NEBL: variants seen among roughly 807,000 people sequenced by gnomAD.
NEBL encodes nebulette.
NEBL carries 122 observed loss-of-function variants against 140.2 expected under a neutral mutation model. The ratio of observed to expected loss-of-function variants is 0.87; its 90% CI spans 0.75 to 1.01. The LOEUF is 1.01. NEBL is among the 50% of genes least tolerant of loss of function. The pLI is 0.00. For missense variants in NEBL, 1,365 were observed against 1,231.3 expected (o/e 1.11, Z -1.62); for synonymous variants, 436 against 398.9 (o/e 1.09, Z -1.11).
At chr10:20,872,765 C>G (rs1845084113) in intron 5 of NEBL, among the ~76,000 whole-genome samples, 1 of 152,168 alleles carries the variant, frequency 6.6e-6, no homozygotes, top group African/African-American at 2.4e-5. Context: ...CTCTGGTCAT[C>G]CTCAGTGCTA....
Position 20,868,757 on chromosome 10 carries a change from G to A in NEBL, c.591C>T (p.Tyr197=), listed in dbSNP as rs773877708. ...TATTCATTATTCCTTGTCCTTTCTT[G>A]TATTCTGCCTAAAATGAATAAATAA... The part of the protein sequence containing the change: ...QISKIISNAE[Y]KKGQGIMNKE... Residue 197 remains tyrosine (Y), a synonymous_variant, in exon 7 of 28, where the codon TAC becomes TAT. Transcript: ENST00000377122. 3.8e-6 allele frequency: 6 copies of A among 1,598,512 alleles called. No individual in the cohort carries two copies. In the South Asian group the frequency reaches 6.6e-5, roughly 18 times the overall value.
intron 4 of NEBL, among the ~76,000 whole-genome samples, chr10:20,928,410 T>G (rs902481178): frequency 3.3e-5 from 5 of 152,184 alleles, no homozygotes; most frequent in African/African-American, 1.2e-4. Context: ...TGCCATCACT[T>G]GCAGGCACCA....
At chr10:21,120,805 G>C (rs1361482160) in intron 2 of NEBL, among the ~76,000 whole-genome samples, 1 of 151,764 alleles carries the variant, frequency 6.6e-6, no homozygotes, top group Non-Finnish European at 1.5e-5. Context: ...TCTGAAGTCA[G>C]TGCTAAATAC....
chr10:20,793,557 C>CT (rs781461906), intron 26 of NEBL, among the ~76,000 whole-genome samples: 3,091 of 141,012 alleles, frequency 0.022, 59 homozygotes, highest in African/African-American at 0.06. Flanking sequence ...TCTTTCTTTT[C>CT]TTTTTTTTTT....
intron 3 of NEBL, 106 bp from the exon 4 acceptor site, chr10:20,888,313 T>C (rs1846713141): frequency 2.7e-6 from 2 of 733,412 alleles, no homozygotes; most frequent in Middle Eastern, 3.8e-4. Context: ...CAGAATTGAT[T>C]TTAAAATCTG....
chr10:20,988,154 G>A (rs866181013), intron 3 of NEBL, among the ~76,000 whole-genome samples: 9 of 152,072 alleles, frequency 5.9e-5, no homozygotes, highest in African/African-American at 1.7e-4. Context: ...CCTACTCTGC[G>A]TTGTATCCAA....
upstream of NEBL, among the ~76,000 whole-genome samples, chr10:20,900,508 T>C (rs1436994598): frequency 6.6e-6 from 1 of 151,382 alleles, no homozygotes; most frequent in Non-Finnish European, 1.5e-5. Context: ...TCAAACCCCG[T>C]CTCTAGTAAA....
At chr10:20,835,156 G>C (rs1170003096) in intron 14 of NEBL, among the ~76,000 whole-genome samples, 2 of 152,152 alleles carry the variant, frequency 1.3e-5, no homozygotes, top group African/African-American at 4.8e-5. Context: ...TGGAAATACA[G>C]ATATGCCAAG....
intron 3 of NEBL, among the ~76,000 whole-genome samples, chr10:21,219,340 G>A (rs940397441): frequency 6.6e-6 from 1 of 152,188 alleles, no homozygotes; most frequent in African/African-American, 2.4e-5. Flanking sequence ...CTACTAAAAT[G>A]TATATTTCGG....
At chr10:21,036,090 G>C (rs1182262811) in intron 2 of NEBL, among the ~76,000 whole-genome samples, 1 of 151,888 alleles carries the variant, frequency 6.6e-6, no homozygotes, top group East Asian at 1.9e-4. Context: ...TTGAACCCAG[G>C]GGGCAGAAGG....
At chr10:21,022,429 A>T (rs1838836764) in intron 2 of NEBL, among the ~76,000 whole-genome samples, 1 of 152,240 alleles carries the variant, frequency 6.6e-6, no homozygotes. Context: ...CGAAATAAAG[A>T]TTAAATATTG....
intron 1 of NEBL, among the ~76,000 whole-genome samples, chr10:21,261,971 T>C (rs930281611): frequency 6.6e-6 from 1 of 152,026 alleles, no homozygotes; most frequent in Non-Finnish European, 1.5e-5. Flanking sequence ...GTCCAAGATA[T>C]CGCCTGGGAT....
chr10:20,959,306 T>G (rs139876568), intron 4 of NEBL, among the ~76,000 whole-genome samples: 387 of 152,304 alleles, frequency 2.5e-3, no homozygotes, highest in Non-Finnish European at 4.5e-3. Flanking sequence ...TTCAGGATTA[T>G]AATTTCCCAG....
At chr10:20,787,696 G>A (rs1310598380) in intron 26 of NEBL, among the ~76,000 whole-genome samples, 1 of 152,156 alleles carries the variant, frequency 6.6e-6, no homozygotes, top group Admixed American at 6.5e-5. Flanking sequence ...TAATGATAGA[G>A]TATAAGTGTT....
intron 7 of NEBL, among the ~76,000 whole-genome samples, chr10:20,860,572 A>AAC (rs1239849467): frequency 6.7e-6 from 1 of 149,074 alleles, no homozygotes; most frequent in Admixed American, 6.6e-5. Context: ...AAAAAGAAAA[A>AAC]AAAAAAAAAA....
At chr10:20,898,761 T>G (rs1205588528), upstream of NEBL, among the ~76,000 whole-genome samples, 1 of 152,108 alleles carries the variant, frequency 6.6e-6, no homozygotes, top group African/African-American at 2.4e-5. Flanking sequence ...TCTCATCAAA[T>G]CTAATCCAAT....
chr10:20,788,727 C>A (rs1298715576), intron 26 of NEBL, among the ~76,000 whole-genome samples: 2 of 152,116 alleles, frequency 1.3e-5, no homozygotes, highest in Non-Finnish European at 2.9e-5. Flanking sequence ...CAGAAAAGAA[C>A]ACTTTTTAAC....
At chr10:21,189,193 C>T (rs1841530325) in intron 3 of NEBL, among the ~76,000 whole-genome samples, 1 of 151,200 alleles carries the variant, frequency 6.6e-6, no homozygotes, top group Non-Finnish European at 1.5e-5. Flanking sequence ...CTGGGTGGGC[C>T]CTAAATCAAA....
rs575192395 is a variant in NEBL at position 21,096,585 on chromosome 10, T to C, written c.164+75798A>G. On this transcript the variant is annotated intron_variant, in intron 2 of 6. Transcript: ENST00000417816. Reference sequence around the variant, plus strand: ...CTGGAGAGCAGTGACCTGATCATAGTTCACTAAAGCCTCAAGCTCCTGGGC... The same window carrying C: ...CTGGAGAGCAGTGACCTGATCATAGCTCACTAAAGCCTCAAGCTCCTGGGC... Among the ~76,000 whole-genome samples, 9 of 151,354 alleles carry C rather than the reference T, an allele frequency of 5.9e-5. No homozygotes were observed. In the East Asian group the frequency reaches 1.4e-3, roughly 23 times the overall value.
Sources: allele counts gnomAD v4.1 joint callset (sites outside exome capture counted in the v4.1 genomes callset), GRCh38; gene constraint gnomAD v4.1.1; transcripts MANE v1.5; gene names NCBI Gene and HGNC (gene_info 2026-07-23, HGNC 2026-07-21).